The following CDH12 variants were observed in gnomAD, a reference collection of about 807,000 sequenced individuals.
CDH12 encodes cadherin 12.
In CDH12, 41 loss-of-function variants were observed where a neutral mutation model predicts 74.1. The observed-to-expected ratio is 0.55, with a 90% CI of 0.43 to 0.72. The LOEUF (loss-of-function observed/expected upper bound fraction) is 0.72. Ranked by LOEUF, CDH12 falls within the 30% of genes least tolerant of loss-of-function variation. The probability of loss-of-function intolerance (pLI) is 0.00; values close to 1 mark genes in which losing one functional copy is unlikely to be tolerated. For missense variants in CDH12, 945 were observed against 977.2 expected, an observed-to-expected ratio of 0.97 and a Z score of 0.44; for synonymous variants, 399 against 355.0, an observed-to-expected ratio of 1.12 and a Z score of -1.39.
intron 1 of CDH12, among the ~76,000 whole-genome samples, chr5:22,715,403 A>G (rs937862477): frequency 6.6e-6 from 1 of 152,168 alleles, no homozygotes; most frequent in Non-Finnish European, 1.5e-5. Context: ...GTTAGTTTTT[A>G]TTTCACTTGC....
chr5:22,001,153 A>AC (rs1332740725), intron 5 of CDH12, among the ~76,000 whole-genome samples: 2 of 152,322 alleles, frequency 1.3e-5, no homozygotes, highest in Middle Eastern at 3.4e-3. Flanking sequence ...AAATCATAAG[A>AC]CAATGAGATA....
intron 1 of CDH12, among the ~76,000 whole-genome samples, chr5:22,659,830 C>T (rs1740253496): frequency 6.6e-6 from 1 of 151,856 alleles, no homozygotes; most frequent in African/African-American, 2.4e-5. Context: ...TCTTTTATTT[C>T]TAAGTATTTC....
intron 1 of CDH12, among the ~76,000 whole-genome samples, chr5:22,821,542 G>A (rs527387173): frequency 9.9e-5 from 15 of 152,184 alleles, no homozygotes; most frequent in African/African-American, 2.9e-4. Flanking sequence ...CAAAGTCTCA[G>A]GATATAAAAT....
chr5:21,996,114 T>G (rs1004198806), intron 5 of CDH12, among the ~76,000 whole-genome samples: 2 of 81,800 alleles, frequency 2.4e-5, no homozygotes, highest in Non-Finnish European at 4.1e-5. Context: ...CGTTTTTTTT[T>G]TTTTTTTTTT....
At chr5:22,305,328 C>T (rs554858492) in intron 3 of CDH12, among the ~76,000 whole-genome samples, 32 of 152,128 alleles carry the variant, frequency 2.1e-4, no homozygotes, top group Non-Finnish European at 4.3e-4. Flanking sequence ...GATAACAAAG[C>T]CTCAATTCAG....
intron 5 of CDH12, among the ~76,000 whole-genome samples, chr5:22,013,453 A>G (rs990624778): frequency 6.6e-6 from 1 of 152,156 alleles, no homozygotes; most frequent in Non-Finnish European, 1.5e-5. Flanking sequence ...ACTATATCAC[A>G]TTGAGTGAAT....
chr5:22,529,400 T>G (rs1379682939), intron 1 of CDH12, among the ~76,000 whole-genome samples: 1 of 151,924 alleles, frequency 6.6e-6, no homozygotes, highest in African/African-American at 2.4e-5. Flanking sequence ...GCCTAAATTC[T>G]GACAGGCTCA....
At chr5:22,675,306 C>T (rs746802152) in intron 1 of CDH12, among the ~76,000 whole-genome samples, 2 of 152,124 alleles carry the variant, frequency 1.3e-5, no homozygotes, top group African/African-American at 4.8e-5. Flanking sequence ...AGGGTGGAAG[C>T]CCCAAGCCTT....
chr5:22,009,952 AAAAAAAAG>A (rs1445026203), intron 5 of CDH12, among the ~76,000 whole-genome samples: 11 of 151,084 alleles, frequency 7.3e-5, no homozygotes, highest in Non-Finnish European at 1.6e-4. Context: ...AAAAAAAAAA[AAAAAAAAG>A]AAAAAAAGAA....
chr5:22,847,627 C>T (rs1320942284), intron 1 of CDH12, among the ~76,000 whole-genome samples: 3 of 151,932 alleles, frequency 2.0e-5, no homozygotes, highest in Non-Finnish European at 4.4e-5. Flanking sequence ...TATTTTTGAT[C>T]GTTTAATTAG....
chr5:22,386,677 T>C (rs965137706), intron 3 of CDH12, among the ~76,000 whole-genome samples: 1 of 152,058 alleles, frequency 6.6e-6, no homozygotes, highest in African/African-American at 2.4e-5. Context: ...AATTCATATA[T>C]ATTTTTACAG....
intron 1 of CDH12, among the ~76,000 whole-genome samples, chr5:22,549,140 T>C (rs1364827183): frequency 1.3e-5 from 2 of 151,694 alleles, no homozygotes; most frequent in African/African-American, 4.8e-5. Context: ...TTTTTTTGTT[T>C]TTTTTGTTTT....
intron 6 of CDH12, among the ~76,000 whole-genome samples, chr5:21,964,710 A>G (rs905363038): frequency 9.9e-5 from 15 of 152,058 alleles, no homozygotes; most frequent in African/African-American, 3.4e-4. Context: ...TTATGGTTCA[A>G]GTAATGCATA....
intron 4 of CDH12, among the ~76,000 whole-genome samples, chr5:22,200,913 A>G (rs1335635870): frequency 6.6e-6 from 1 of 152,208 alleles, no homozygotes; most frequent in Non-Finnish European, 1.5e-5. Context: ...CAATGATGTA[A>G]TGAGTTCTGT....
intron 3 of CDH12, among the ~76,000 whole-genome samples, chr5:22,269,028 GA>G (rs1259187485): frequency 1.2e-4 from 18 of 152,094 alleles, no homozygotes; most frequent in Admixed American, 9.8e-4. Context: ...TATGAACCTG[GA>G]CAAATTTGCT....
At position 22,270,600 on chromosome 5, in the gene CDH12, A is replaced by AT. The variant is rs887358222; in HGVS notation, c.-332-57958_-332-57957insA. On this transcript the variant is annotated intron_variant, in intron 3 of 14. Transcript: ENST00000382254. The stretch of plus-strand genomic sequence containing the variant: ...GCAGGGTGAGACACCGTCTCAAAAA[A>AT]AAAAATATATATATATATATGTATA... Among the ~76,000 whole-genome samples, 5 of 127,110 alleles carry AT rather than the reference A, an allele frequency of 3.9e-5. No individual in the cohort carries two copies. In the South Asian group the frequency reaches 1.3e-3, roughly 33 times the overall value. The allele number at this position is 127,110 out of a possible 152,430, so 83.4% of individuals were successfully genotyped here. A position where few individuals can be genotyped will look rare whatever the true frequency, so the allele number is the denominator to read the frequency against.
chr5:21,807,470 C>G (rs1747495638), intron 9 of CDH12, among the ~76,000 whole-genome samples: 1 of 152,134 alleles, frequency 6.6e-6, no homozygotes, highest in African/African-American at 2.4e-5. Context: ...TACAGCACTA[C>G]TTTCTCTGTT....
intron 3 of CDH12, among the ~76,000 whole-genome samples, chr5:22,312,920 T>C (rs1050627278): frequency 6.6e-6 from 1 of 152,218 alleles, no homozygotes; most frequent in East Asian, 1.9e-4. Flanking sequence ...TACTTTCCCC[T>C]TCAAGCTTTT....
chr5:22,094,319 T>C (rs969120951), intron 4 of CDH12, among the ~76,000 whole-genome samples: 2 of 152,166 alleles, frequency 1.3e-5, no homozygotes, highest in African/African-American at 4.8e-5. Flanking sequence ...AGAAGAGCTC[T>C]TGGGTTGCAG....
Sources: gnomAD v4.1 joint callset for allele counts (sites outside exome capture counted in the v4.1 genomes callset) on GRCh38, gnomAD v4.1.1 for gene constraint, MANE v1.5 for transcripts, NCBI Gene and HGNC (gene_info 2026-07-23, HGNC 2026-07-21) for gene names.